Variants in ZFAND3 observed in about 807,000 individuals in gnomAD.
ZFAND3 encodes AN1-type zinc finger protein 3.
A neutral mutation model predicts 29.6 loss-of-function variants in ZFAND3; 10 were observed. That is an observed-to-expected ratio of 0.34 (90% CI 0.21 to 0.57). The LOEUF (loss-of-function observed/expected upper bound fraction) is 0.57, where lower values mean the gene tolerates loss of function less well. Ranked by LOEUF, ZFAND3 falls within the 20% of genes least tolerant of loss-of-function variation. The pLI, the probability that ZFAND3 is intolerant of heterozygous loss-of-function variation, is 0.86. For synonymous variants in ZFAND3, 128 were observed against 112.6 expected, an observed-to-expected ratio of 1.14 and a Z score of -0.87; for missense variants, 230 against 304.5, an observed-to-expected ratio of 0.76 and a Z score of 1.82.
chr6:38,082,142 G>GTTTTTTT (rs771690113), intron 3 of ZFAND3, among the ~76,000 whole-genome samples: 4 of 145,396 alleles, frequency 2.8e-5, no homozygotes, highest in Non-Finnish European at 6.1e-5. Context: ...AGACTCGGCT[G>GTTTTTTT]TTTTTTTTTT....
chr6:37,923,602 C>A (rs1391147941), intron 1 of ZFAND3, among the ~76,000 whole-genome samples: 2 of 152,158 alleles, frequency 1.3e-5, no homozygotes, highest in Non-Finnish European at 2.9e-5. Context: ...AGATGTTTAT[C>A]ATTTTTTATC....
At chr6:38,095,460 C>T (rs531696603) in intron 4 of ZFAND3, among the ~76,000 whole-genome samples, 7 of 151,962 alleles carry the variant, frequency 4.6e-5, no homozygotes, top group Non-Finnish European at 5.9e-5. Context: ...TTTGGTTTTA[C>T]GTCACCACTT....
intron 2 of ZFAND3, chr6:38,003,567 C>T (rs1561962777): frequency 4.5e-6 from 1 of 221,274 alleles, no homozygotes; most frequent in South Asian, 4.9e-5. Context: ...AGTGTGATCT[C>T]AGCTCACTGC....
At chr6:37,850,664 C>A (rs936651009) in intron 1 of ZFAND3, among the ~76,000 whole-genome samples, 2 of 152,284 alleles carry the variant, frequency 1.3e-5, no homozygotes, top group Non-Finnish European at 2.9e-5. Context: ...TAGGATATAT[C>A]ATCAAGGTTT....
intron 1 of ZFAND3, among the ~76,000 whole-genome samples, chr6:37,863,894 A>C (rs1345043789): frequency 6.6e-6 from 1 of 152,208 alleles, no homozygotes; most frequent in African/African-American, 2.4e-5. Context: ...GTGGCAATTA[A>C]ATAGAGCTCA....
intron 2 of ZFAND3, among the ~76,000 whole-genome samples, chr6:37,955,842 G>A (rs947974555): frequency 1.3e-5 from 2 of 152,258 alleles, no homozygotes; most frequent in South Asian, 2.1e-4. Flanking sequence ...AATTACATTG[G>A]GATAAAAGAA....
At chr6:37,886,235 CTCAAAAAAAAAAAAAAAAAAA>C (rs1298382223) in intron 1 of ZFAND3, among the ~76,000 whole-genome samples, 2 of 76,070 alleles carry the variant, frequency 2.6e-5, no homozygotes, top group Non-Finnish European at 2.5e-5. Flanking sequence ...GAGACTCTGT[CTCAAAAAAAAAAAAAAAAAAA>C]AAAAAAAAAA....
At chr6:38,122,840 G>T (rs1318328282) in intron 5 of ZFAND3, among the ~76,000 whole-genome samples, 1 of 152,324 alleles carries the variant, frequency 6.6e-6, no homozygotes, top group African/African-American at 2.4e-5. Context: ...CAAGATTCTG[G>T]ACAGGCTTTC....
At chr6:38,149,761 T>C (rs1321858612) in intron 5 of ZFAND3, among the ~76,000 whole-genome samples, 1 of 152,198 alleles carries the variant, frequency 6.6e-6, no homozygotes, top group Non-Finnish European at 1.5e-5. Context: ...AATGAGGTGT[T>C]AAGCTGAGCC....
At chr6:38,116,422 T>C (rs1434724999) in intron 4 of ZFAND3, 150 bp from the exon 5 acceptor site, 28 of 874,354 alleles carry the variant, frequency 3.2e-5, no homozygotes, top group Non-Finnish European at 4.9e-5. Flanking sequence ...TTGTGCAGTA[T>C]AAACCAAGCA....
At chr6:38,072,886 C>T (rs893405576) in intron 3 of ZFAND3, among the ~76,000 whole-genome samples, 1 of 152,158 alleles carries the variant, frequency 6.6e-6, no homozygotes, top group African/African-American at 2.4e-5. Context: ...TAAGATGGCA[C>T]CTTAGTGAGG....
chr6:37,952,455 A>G (rs954716342), intron 2 of ZFAND3, among the ~76,000 whole-genome samples: 2 of 152,060 alleles, frequency 1.3e-5, no homozygotes, highest in Admixed American at 6.5e-5. Context: ...ATAGTAATTT[A>G]TCCATTTCTT....
rs575546476 is a variant in ZFAND3, at chr6:38,025,354, T to C, written c.113-36239T>C. On this transcript the variant is annotated intron_variant, in intron 2 of 5. Transcript: ENST00000287218. ...TTAATTAGAAGTGGTGGTTTGTTTT[T>C]ATCCCCCCTTTTTTAGGAGGCACAA... is the stretch of plus-strand genomic sequence containing the variant. 4.6e-5 allele frequency among the ~76,000 whole-genome samples: 7 copies of C among 152,366 alleles called. 2 individuals are homozygous for C. In the South Asian group the frequency reaches 1.4e-3, roughly 32 times the overall value.
chr6:38,030,055 T>G (rs1391759876), intron 2 of ZFAND3, among the ~76,000 whole-genome samples: 5 of 1,596 alleles, frequency 3.1e-3, no homozygotes, highest in African/African-American at 4.6e-3. Context: ...CTGCTGGATA[T>G]ATATATATAT....
chr6:38,101,772 C>CA (rs57491627), intron 4 of ZFAND3, among the ~76,000 whole-genome samples: 2,545 of 42,688 alleles, frequency 0.06, 308 homozygotes, highest in Non-Finnish European at 0.074. Flanking sequence ...GACTCCCTCT[C>CA]AAAAAAAAAA....
rs57491627 is a variant in ZFAND3 at position 38,101,772 on chromosome 6, C to CAA, written c.362-14775_362-14774dup. On this transcript the variant is annotated intron_variant, in intron 4 of 5. Transcript: ENST00000287218. ...CTGGCAACAGAGCGAGACTCCCTCT[C>CAA]AAAAAAAAAAAAAAAAAAAAAAAAA... Among the ~76,000 whole-genome samples, 381 of 42,738 alleles carry CAA rather than the reference C, an allele frequency of 8.9e-3. 16 individuals carry two copies. The highest frequency in any genetic ancestry group is 0.018 in the Admixed American group (50 of 2,816). The allele number at this position is 42,738 out of a possible 152,430, so 28.0% of individuals were successfully genotyped here.
chr6:38,131,642 T>A (rs1327155849), intron 5 of ZFAND3, among the ~76,000 whole-genome samples: 1 of 152,352 alleles, frequency 6.6e-6, no homozygotes, highest in African/African-American at 2.4e-5. Flanking sequence ...GTGTAACACA[T>A]ACCTTCCTCC....
intron 1 of ZFAND3, among the ~76,000 whole-genome samples, chr6:37,867,167 T>G (rs1267042772): frequency 1.3e-5 from 2 of 152,216 alleles, no homozygotes; most frequent in Non-Finnish European, 2.9e-5. Flanking sequence ...AAGCATTATT[T>G]GAAGAAACTT....
At chr6:37,993,931 A>G (rs1762805016) in intron 2 of ZFAND3, among the ~76,000 whole-genome samples, 1 of 152,320 alleles carries the variant, frequency 6.6e-6, no homozygotes, top group African/African-American at 2.4e-5. Context: ...TTGCAAAGAT[A>G]CTAAAATCCT....
Sources: allele counts gnomAD v4.1 joint callset (sites outside exome capture counted in the v4.1 genomes callset), GRCh38; gene constraint gnomAD v4.1.1; transcripts MANE v1.5; gene names NCBI Gene and HGNC (gene_info 2026-07-23, HGNC 2026-07-21).